FAM184B: variants seen among roughly 807,000 people sequenced by gnomAD.
The protein encoded by FAM184B is protein FAM184B.
Under a neutral mutation model 135.9 loss-of-function variants are expected in FAM184B, and 111 were observed. The ratio of observed to expected loss-of-function variants is 0.82; its 90% CI spans 0.70 to 0.96. The LOEUF is 0.96. FAM184B is among the 40% of genes least tolerant of loss of function. The pLI is 0.00. For missense variants in FAM184B, 1,375 were observed against 1,323.9 expected (o/e 1.04, Z -0.60); for synonymous variants, 552 against 524.8 (o/e 1.05, Z -0.71).
At chr4:17,749,049 G>T (rs1718239263) in intron 1 of FAM184B, among the ~76,000 whole-genome samples, 1 of 148,130 alleles carries the variant, frequency 6.8e-6, no homozygotes, top group South Asian at 2.1e-4. Flanking sequence ...GTCCTGGCTG[G>T]TCTCAAACTC....
In FAM184B at chr4:17,632,598, G is replaced by C. The variant is rs1262094041; in HGVS notation, c.3117C>G (p.Ala1039=). The change falls in exon 18 of 18, where the codon GCC becomes GCG. Residue 1039 remains alanine, a synonymous_variant. Transcript: ENST00000265018. ...AGCCCTGTTTCTGCTGGACTTCTTTGGCTTGGGCCGTTTCACCATCTGGGG... is the reference window on the plus strand; with the variant it reads ...AGCCCTGTTTCTGCTGGACTTCTTTCGCTTGGGCCGTTTCACCATCTGGGG... ...TRTPDGETAQ[A]KEVQQKQGSP... 4 of 1,551,102 alleles carry C rather than the reference G, an allele frequency of 2.6e-6. No homozygotes were observed. Among genetic ancestry groups the C allele is most frequent in the Non-Finnish European group, 3.5e-6 (4 of 1,146,686 alleles).
At chr4:17,762,250 G>A (rs1718564353) in intron 1 of FAM184B, among the ~76,000 whole-genome samples, 1 of 152,180 alleles carries the variant, frequency 6.6e-6, no homozygotes, top group South Asian at 2.1e-4. Context: ...TCCTAAACCA[G>A]AATCTCTGAT....
chr4:17,731,391 TAAAG>T (rs910523929), intron 1 of FAM184B, among the ~76,000 whole-genome samples: 3 of 152,052 alleles, frequency 2.0e-5, no homozygotes, highest in African/African-American at 7.2e-5. Flanking sequence ...GCAAATTGGA[TAAAG>T]AGTCAAGATA....
Position 17,640,497 on chromosome 4 carries a change from A to T in FAM184B, c.2520-1101T>A, listed in dbSNP as rs565941853. Reference sequence around the variant, plus strand: ...AGACTGTCTCAAAAAAAAAAAAAAGAAAATAAATGAACAAGCACAGTCAAG... The same window carrying T: ...AGACTGTCTCAAAAAAAAAAAAAAGTAAATAAATGAACAAGCACAGTCAAG... On this transcript the variant is annotated intron_variant, in intron 13 of 17. Coordinates refer to ENST00000265018, the MANE Select transcript of FAM184B (RefSeq NM_015688.2). Among the ~76,000 whole-genome samples the T allele has an allele frequency of 6.7e-4, 101 of 151,020 alleles. 1 individual carries two copies. The East Asian group carries it at 0.019, about 28-fold the overall frequency.
chr4:17,720,122 C>T (rs922330649), intron 1 of FAM184B, among the ~76,000 whole-genome samples: 3 of 152,300 alleles, frequency 2.0e-5, no homozygotes, highest in African/African-American at 7.2e-5. Flanking sequence ...TGGGGTCTCA[C>T]TCAATTCCAT....
At chr4:17,653,547 A>T (rs552898557) in intron 10 of FAM184B, among the ~76,000 whole-genome samples, 1 of 151,452 alleles carries the variant, frequency 6.6e-6, no homozygotes, top group Admixed American at 6.6e-5. Flanking sequence ...TTTTTTCCCT[A>T]CTTTTTATTT....
intron 1 of FAM184B, among the ~76,000 whole-genome samples, chr4:17,718,586 T>C (rs1317897159): frequency 6.6e-6 from 1 of 152,230 alleles, no homozygotes; most frequent in Non-Finnish European, 1.5e-5. Context: ...GATGTTGAAC[T>C]TGGCTGTGTG....
intron 5 of FAM184B, among the ~76,000 whole-genome samples, chr4:17,697,075 G>C (rs1716881628): frequency 1.3e-5 from 2 of 152,168 alleles, no homozygotes; most frequent in African/African-American, 4.8e-5. Context: ...TACATGAAGT[G>C]GGGAGACTGG....
Position 17,666,237 on chromosome 4 carries a change from T to C in FAM184B, c.1597-1578A>G, listed in dbSNP as rs538729907. On this transcript the variant is annotated intron_variant, in intron 7 of 17. Transcript: ENST00000265018. Reference sequence around the variant, plus strand: ...ATGAGGATTAAATGAGCTGATACAATGTAAAGTCCTTAGAACAGTATTAGG... The same window carrying C: ...ATGAGGATTAAATGAGCTGATACAACGTAAAGTCCTTAGAACAGTATTAGG... Among the ~76,000 whole-genome samples, 15 of 152,094 alleles carry C rather than the reference T, an allele frequency of 9.9e-5. No homozygotes were observed. In the South Asian group the frequency reaches 3.1e-3, roughly 32 times the overall value.
At chr4:17,705,715 G>T in intron 4 of FAM184B, 37 bp downstream of exon 4, 1 of 1,550,066 alleles carries the variant, frequency 6.5e-7, no homozygotes, top group Non-Finnish European at 8.7e-7. Context: ...AAAGCTCTCT[G>T]TGCCTTCTCC....
intron 1 of FAM184B, among the ~76,000 whole-genome samples, chr4:17,726,561 G>C (rs563886893): frequency 6.6e-6 from 1 of 152,020 alleles, no homozygotes; most frequent in African/African-American, 2.4e-5. Context: ...TAGTAGAGAC[G>C]GGGTTTCACC....
At chr4:17,707,567 C>T (rs1717146474) in intron 3 of FAM184B, 82 bp downstream of exon 3, 4 of 1,514,470 alleles carry the variant, frequency 2.6e-6, no homozygotes, top group East Asian at 2.5e-5. Flanking sequence ...GCTCCCTTAG[C>T]AGGCTTAGGC....
At chr4:17,688,784 C>T (rs1410533152) in intron 6 of FAM184B, among the ~76,000 whole-genome samples, 1 of 150,912 alleles carries the variant, frequency 6.6e-6, no homozygotes, top group Non-Finnish European at 1.5e-5. Flanking sequence ...CTCCACCTCC[C>T]GGGTTCAAGT....
chr4:17,712,196 A>C (rs1265677876), intron 1 of FAM184B, among the ~76,000 whole-genome samples: 1 of 152,222 alleles, frequency 6.6e-6, no homozygotes, highest in African/African-American at 2.4e-5. Context: ...AAGGTGCAGC[A>C]AGATGGAAAG....
chr4:17,684,285 G>A (rs1198186979), intron 7 of FAM184B, among the ~76,000 whole-genome samples: 2 of 149,992 alleles, frequency 1.3e-5, no homozygotes, highest in Non-Finnish European at 3.0e-5. Flanking sequence ...CCATAATTAT[G>A]CCTGTATATA....
chr4:17,732,226 G>A (rs548790463), intron 1 of FAM184B, among the ~76,000 whole-genome samples: 90 of 152,120 alleles, frequency 5.9e-4, no homozygotes, highest in Non-Finnish European at 1.0e-3. Context: ...GCCCACAAGA[G>A]AAAGCAGGAA....
chr4:17,766,806 C>T (rs1398173991), intron 1 of FAM184B, among the ~76,000 whole-genome samples: 1 of 152,236 alleles, frequency 6.6e-6, no homozygotes, highest in Non-Finnish European at 1.5e-5. Flanking sequence ...CGCAGAGCAC[C>T]CGCACTCCTC....
rs1348072560 is a variant in FAM184B at position 17,664,548 on chromosome 4, A to G, written c.1694+14T>C. On this transcript the variant is annotated intron_variant, in intron 8 of 17. Transcript: ENST00000265018. ...TTCAATGGAGCACTCAGAAGTCTGC[A>G]TGTCCTCCTGTACCTTTCTTCTTCA... 1.3e-6 allele frequency: 2 copies of G among 1,541,088 alleles called. No homozygotes were observed. The highest frequency in any genetic ancestry group is 1.2e-5 in the South Asian group (1 of 83,328).
At chr4:17,669,140 G>A (rs1218647416) in intron 7 of FAM184B, among the ~76,000 whole-genome samples, 1 of 152,142 alleles carries the variant, frequency 6.6e-6, no homozygotes, top group Non-Finnish European at 1.5e-5. Context: ...GACATGAACT[G>A]GTCACAGGGC....
Sources: allele counts gnomAD v4.1 joint callset (sites outside exome capture counted in the v4.1 genomes callset), GRCh38; gene constraint gnomAD v4.1.1; transcripts MANE v1.5; gene names NCBI Gene and HGNC (gene_info 2026-07-23, HGNC 2026-07-21).